LDHA: variants seen among roughly 807,000 people sequenced by gnomAD.
LDHA encodes L-lactate dehydrogenase A chain.
LDHA carries 10 observed loss-of-function variants against 36.3 expected under a neutral mutation model. That is an observed-to-expected ratio of 0.28 (90% CI 0.17 to 0.47). The LOEUF is 0.47. Among genes scored for constraint, LDHA ranks in the 20% least tolerant of loss-of-function variants. The probability of loss-of-function intolerance (pLI) is 0.99; values close to 1 mark genes in which losing one functional copy is unlikely to be tolerated. For missense variants in LDHA, 267 were observed against 405.8 expected (o/e 0.66, Z 2.94); for synonymous variants, 110 against 136.7 (o/e 0.80, Z 1.36).
In LDHA at chr11:18,407,229, T is replaced by A; in HGVS notation, c.947T>A (p.Leu316Ter). 1 of 1,613,934 alleles carries A rather than the reference T, an allele frequency of 6.2e-7. No homozygotes were observed. Among genetic ancestry groups the A allele is most frequent in the Non-Finnish European group, 8.5e-7 (1 of 1,179,874 alleles). The change falls in exon 8 of 8, where the codon TTG becomes TAG. Residue 316 changes from leucine (L) to a stop codon, truncating the protein, a stop_gained. Transcript: ENST00000422447. LOFTEE classifies it high-confidence loss of function. ...VTLTSEEEAR[L>*]KKSADTLWGI... ...CTGACTTCTGAGGAAGAGGCCCGTT[T>A]GAAGAAGAGTGCAGATACACTTTGG...
chr11:18,394,606 G>A lies in LDHA; in HGVS notation c.-55G>A, dbSNP rs200384555. 7.3e-4 allele frequency: 332 copies of A among 454,066 alleles called. 3 individuals carry two copies. Among genetic ancestry groups the A allele is most frequent in the South Asian group, 5.0e-3 (323 of 64,470 alleles). The allele number at this position is 454,066 out of a possible 1,614,324, so 28.1% of individuals were successfully genotyped here. On this transcript the variant is annotated 5_prime_UTR_variant, in exon 1 of 8. Coordinates refer to ENST00000422447, the MANE Select transcript of LDHA (RefSeq NM_005566.4). ...CCGATTCCGGATCTCATTGCCACGCGCCCCCGACGACCGCCCGACGTGCAT... is the reference window on the plus strand; with the variant it reads ...CCGATTCCGGATCTCATTGCCACGCACCCCCGACGACCGCCCGACGTGCAT...
chr11:18,395,952 G>T (rs965928134), intron 1 of LDHA, among the ~76,000 whole-genome samples: 4 of 152,240 alleles, frequency 2.6e-5, no homozygotes, highest in Non-Finnish European at 5.9e-5. Context: ...CTGGTTTCTA[G>T]TATTGCGATT....
At chr11:18,396,686 C>G (rs2134017364) in intron 1 of LDHA, 133 bp from the exon 2 acceptor site, 1 of 1,362,390 alleles carries the variant, frequency 7.3e-7, no homozygotes, top group Admixed American at 2.8e-5. Flanking sequence ...GGTTTTTTCC[C>G]CTCCCTTTTT....
Position 18,395,691 on chromosome 11 carries a change from A to T in LDHA, c.-25+1055A>T, listed in dbSNP as rs184898539. On this transcript the variant is annotated intron_variant, in intron 1 of 7. Coordinates refer to ENST00000422447, the MANE Select transcript of LDHA (RefSeq NM_005566.4). Reference sequence around the variant, plus strand: ...GAGTGGTGTCAAAACTAGACGTGATACTTTGGGGATGCAGCCTGTGATATT... The same window carrying T: ...GAGTGGTGTCAAAACTAGACGTGATTCTTTGGGGATGCAGCCTGTGATATT... Among the ~76,000 whole-genome samples the T allele has an allele frequency of 3.9e-3, 589 of 152,286 alleles. 1 individual carries two copies. The highest frequency in any genetic ancestry group is 6.4e-3 in the Non-Finnish European group (432 of 68,026).
intron 3 of LDHA, chr11:18,400,206 C>T (rs1239189238): frequency 5.3e-6 from 1 of 187,446 alleles, no homozygotes; most frequent in Non-Finnish European, 1.1e-5. Flanking sequence ...AGCTAATACT[C>T]TTGGCTTGAC....
At chr11:18,399,854 C>T (rs1305311887) in intron 3 of LDHA, 3 of 343,744 alleles carry the variant, frequency 8.7e-6, no homozygotes, top group East Asian at 6.7e-5. Context: ...CTTAGCCTTC[C>T]GAAGTACTGG....
At chr11:18,405,832 A>C in intron 7 of LDHA, 4 of 344,670 alleles carry the variant, frequency 1.2e-5, no homozygotes, top group Non-Finnish European at 2.1e-5. Flanking sequence ...GAAGACTATA[A>C]AAGAAATAAA....
chr11:18,400,905 A>T lies in LDHA; in HGVS notation c.313A>T (p.Ser105Cys). The T allele has an allele frequency of 6.2e-7, 1 of 1,613,462 alleles. No homozygotes were observed. Among genetic ancestry groups the T allele is most frequent in the Non-Finnish European group, 8.5e-7 (1 of 1,179,552 alleles). ...TAGARQQEGE[S>C]RLNLVQRNVN... ...TGGGGCACGTCAGCAAGAGGGAGAAAGCCGTCTTAATTTGGTCCAGCGTAA... is the reference window on the plus strand; with the variant it reads ...TGGGGCACGTCAGCAAGAGGGAGAATGCCGTCTTAATTTGGTCCAGCGTAA... The change falls in exon 4 of 8, where the codon AGC (serine) becomes TGC (cysteine). Residue 105 changes from serine (S) to cysteine (C), a missense_variant. Ser to Cys is a moderately radical substitution (Grantham distance 112). Transcript: ENST00000422447.
At chr11:18,404,624 C>A (rs994425798) in intron 6 of LDHA, among the ~76,000 whole-genome samples, 1 of 151,090 alleles carries the variant, frequency 6.6e-6, no homozygotes, top group Non-Finnish European at 1.5e-5. Context: ...CTGGCTAACA[C>A]GGTGAAACCC....
Position 18,403,022 on chromosome 11 carries a change from A to G in LDHA, c.592+9A>G. ...ACATGGAGATTCCAGTGGTAAGCATAAGTTATTTTCTTTTTGTTTTTGAAA... is the reference window on the plus strand; with the variant it reads ...ACATGGAGATTCCAGTGGTAAGCATGAGTTATTTTCTTTTTGTTTTTGAAA... On this transcript the variant is annotated intron_variant, in intron 5 of 7. Coordinates refer to ENST00000422447, the MANE Select transcript of LDHA (RefSeq NM_005566.4). 1 of 1,611,814 alleles carries G rather than the reference A, an allele frequency of 6.2e-7. No homozygotes were observed. The highest frequency in any genetic ancestry group is 2.2e-5 in the East Asian group (1 of 44,854).
In LDHA at chr11:18,394,594, T is replaced by A. The variant is rs763715344; in HGVS notation, c.-67T>A. 6.6e-6 allele frequency: 3 copies of A among 454,048 alleles called. No homozygotes were observed. The highest frequency in any genetic ancestry group is 3.1e-5 in the South Asian group (2 of 64,466). 28.1% of individuals were successfully genotyped at this position (454,048 alleles called of 1,614,324 possible). On this transcript the variant is annotated 5_prime_UTR_variant, in exon 1 of 8. Transcript: ENST00000422447. ...CAGCCGCTGCCGCCGATTCCGGATC[T>A]CATTGCCACGCGCCCCCGACGACCG...
At position 18,407,564 on chromosome 11, in the gene LDHA, T is replaced by G. The variant is rs1341462265; in HGVS notation, c.*283T>G. Reference sequence around the variant, plus strand: ...ACTGCCAATGCTGTACGTACTGCATTTGCCCCTTGAGCCAGGTGGATGTTT... The same window carrying G: ...ACTGCCAATGCTGTACGTACTGCATGTGCCCCTTGAGCCAGGTGGATGTTT... On this transcript the variant is annotated 3_prime_UTR_variant, in exon 8 of 8. Transcript: ENST00000422447. 9.9e-6 allele frequency: 7 copies of G among 708,222 alleles called. No homozygotes were observed. The highest frequency in any genetic ancestry group is 1.3e-5 in the Non-Finnish European group (5 of 394,560). 43.9% of individuals were successfully genotyped at this position (708,222 alleles called of 1,614,324 possible).
chr11:18,400,424 C>T (rs1052202800), intron 3 of LDHA: 3 of 248,466 alleles, frequency 1.2e-5, no homozygotes, highest in Non-Finnish European at 1.5e-5. Flanking sequence ...CCCCTACCAC[C>T]ACCACCACAC....
intron 1 of LDHA, 122 bp from the exon 2 acceptor site, chr11:18,396,697 A>G: frequency 7.5e-7 from 1 of 1,341,742 alleles, no homozygotes; most frequent in Non-Finnish European, 1.0e-6. Flanking sequence ...CTCCCTTTTT[A>G]GTCATCTCTA....
At position 18,394,653 on chromosome 11, in the gene LDHA, C is replaced by T. The variant is rs780548812; in HGVS notation, c.-25+17C>T. 6.6e-6 allele frequency: 3 copies of T among 453,824 alleles called. No individual in the cohort carries two copies. The highest frequency in any genetic ancestry group is 1.4e-4 in the East Asian group (2 of 14,402). 28.1% of individuals were successfully genotyped at this position (453,824 alleles called of 1,614,324 possible). On this transcript the variant is annotated intron_variant, in intron 1 of 7. Coordinates refer to ENST00000422447, the MANE Select transcript of LDHA (RefSeq NM_005566.4). ...GCATTCCCGGTACGGTAGGGCCCTG[C>T]GCGCACGGCGCCAGAGGGATGGGCG...
chr11:18,407,192 G>A lies in LDHA; in HGVS notation c.910G>A (p.Val304Met), dbSNP rs748856517. The A allele has an allele frequency of 3.7e-6, 6 of 1,612,940 alleles. No homozygotes were observed. Among genetic ancestry groups the A allele is most frequent in the Non-Finnish European group, 5.1e-6 (6 of 1,179,700 alleles). Residue 304 changes from valine (V) to methionine (M), a missense_variant, in exon 8 of 8, where the codon GTG (valine) becomes ATG (methionine). Coordinates refer to ENST00000422447, the MANE Select transcript of LDHA (RefSeq NM_005566.4). ...ILGQNGISDL[V>M]KVTLTSEEEA... ...GGGACAGAATGGAATCTCAGACCTT[G>A]TGAAGGTGACTCTGACTTCTGAGGA...
chr11:18,404,774 C>A (rs992598521), intron 6 of LDHA, among the ~76,000 whole-genome samples: 1 of 137,028 alleles, frequency 7.3e-6, no homozygotes, highest in African/African-American at 2.6e-5. Context: ...CGCCACTGCA[C>A]TCCAGCCTGG....
intron 4 of LDHA, 156 bp from the exon 5 acceptor site, chr11:18,402,684 C>T: frequency 1.5e-6 from 1 of 668,616 alleles, no homozygotes; most frequent in Non-Finnish European, 2.7e-6. Flanking sequence ...TAGCCATGAT[C>T]AATATCAAGA....
chr11:18,408,120 G>A lies in LDHA; in HGVS notation c.*839G>A, dbSNP rs764635575. 2.6e-5 allele frequency: 12 copies of A among 453,934 alleles called. No individual in the cohort carries two copies. The highest frequency in any genetic ancestry group is 4.4e-5 in the Non-Finnish European group (10 of 226,766). 28.1% of individuals were successfully genotyped at this position (453,934 alleles called of 1,614,324 possible). ...TAAATGTAAAATTTATTTGCCAACT[G>A]AATATAGGCAATGATAGTGTGTCAC... is the stretch of plus-strand genomic sequence containing the variant. On this transcript the variant is annotated 3_prime_UTR_variant, in exon 8 of 8. Transcript: ENST00000422447.
Sources: gnomAD v4.1 joint callset for allele counts (sites outside exome capture counted in the v4.1 genomes callset) on GRCh38, gnomAD v4.1.1 for gene constraint, MANE v1.5 for transcripts, NCBI Gene and HGNC (gene_info 2026-07-23, HGNC 2026-07-21) for gene names.